The following FAM168A variants were observed in gnomAD, a reference collection of about 807,000 sequenced individuals.
FAM168A encodes protein FAM168A.
Under a neutral mutation model 28.5 loss-of-function variants are expected in FAM168A, and 3 were observed. That is an observed-to-expected ratio of 0.11 (90% CI 0.05 to 0.27). FAM168A has a LOEUF of 0.27. FAM168A is among the 10% of genes least tolerant of loss of function. FAM168A has a pLI of 1.00. For missense variants in FAM168A, 222 were observed against 311.5 expected (o/e 0.71, Z 2.16); for synonymous variants, 122 against 124.2 (o/e 0.98, Z 0.12).
chr11:73,567,407 TC>T (rs1448827658), intron 1 of FAM168A, among the ~76,000 whole-genome samples: 2 of 152,058 alleles, frequency 1.3e-5, no homozygotes, highest in African/African-American at 2.4e-5. Context: ...CATAATCAGT[TC>T]CCCAGTTAGC....
At chr11:73,524,689 C>T (rs937384505) in intron 1 of FAM168A, among the ~76,000 whole-genome samples, 1 of 152,066 alleles carries the variant, frequency 6.6e-6, no homozygotes, top group African/African-American at 2.4e-5. Context: ...CCTCCGCCTC[C>T]CAGACTCAGG....
intron 1 of FAM168A, among the ~76,000 whole-genome samples, chr11:73,484,652 C>CTA (rs1203736105): frequency 7.3e-6 from 1 of 137,196 alleles, no homozygotes; most frequent in East Asian, 2.0e-4. Flanking sequence ...ATCTATCTAT[C>CTA]TATATATAGA....
At chr11:73,442,125 CTTTTT>C (rs59066860) in intron 2 of FAM168A, among the ~76,000 whole-genome samples, 2 of 130,992 alleles carry the variant, frequency 1.5e-5, no homozygotes, top group Non-Finnish European at 3.2e-5. Flanking sequence ...CTTTCTTCTT[CTTTTT>C]TTTTTTTTTT....
At chr11:73,521,857 G>C (rs1019163184) in intron 1 of FAM168A, among the ~76,000 whole-genome samples, 1 of 152,088 alleles carries the variant, frequency 6.6e-6, no homozygotes, top group Non-Finnish European at 1.5e-5. Flanking sequence ...GAATAAAACT[G>C]TCACACATGA....
chr11:73,591,118 C>T (rs961122826), intron 1 of FAM168A, among the ~76,000 whole-genome samples: 4 of 151,370 alleles, frequency 2.6e-5, no homozygotes, highest in East Asian at 3.9e-4. Flanking sequence ...TACTCCAGGC[C>T]GGGAGACAAA....
At chr11:73,498,846 C>G (rs1854945018) in intron 1 of FAM168A, among the ~76,000 whole-genome samples, 1 of 152,156 alleles carries the variant, frequency 6.6e-6, no homozygotes, top group South Asian at 2.1e-4. Flanking sequence ...GCCAGAGGCT[C>G]AGGGATGGAA....
chr11:73,531,306 C>T (rs1207819601), intron 1 of FAM168A, among the ~76,000 whole-genome samples: 2 of 152,188 alleles, frequency 1.3e-5, no homozygotes, highest in African/African-American at 4.8e-5. Context: ...AGAAATATCA[C>T]TAATGGCAAA....
chr11:73,544,895 A>T (rs868188386), intron 1 of FAM168A, among the ~76,000 whole-genome samples: 3 of 92,850 alleles, frequency 3.2e-5, no homozygotes, highest in Non-Finnish European at 5.8e-5. Flanking sequence ...TAAAATATAA[A>T]ATATATTATA....
intron 1 of FAM168A, among the ~76,000 whole-genome samples, chr11:73,474,062 G>A (rs974363446): frequency 2.0e-5 from 3 of 151,912 alleles, no homozygotes; most frequent in African/African-American, 4.8e-5. Flanking sequence ...CACCCACCTC[G>A]ACCTCCCAAA....
chr11:73,484,572 A>ATATC (rs1565265756), intron 1 of FAM168A, among the ~76,000 whole-genome samples: 1 of 98,540 alleles, frequency 1.0e-5, no homozygotes, highest in Non-Finnish European at 2.4e-5. Flanking sequence ...CTATATATCT[A>ATATC]TATATCGATA....
At chr11:73,473,956 C>CCCA (rs1441097546) in intron 1 of FAM168A, among the ~76,000 whole-genome samples, 1 of 151,896 alleles carries the variant, frequency 6.6e-6, no homozygotes, top group Non-Finnish European at 1.5e-5. Context: ...ATTACTGGCA[C>CCCA]CCACCACCAC....
chr11:73,585,940 T>G (rs1459240292), intron 1 of FAM168A, among the ~76,000 whole-genome samples: 1 of 151,258 alleles, frequency 6.6e-6, no homozygotes, highest in Non-Finnish European at 1.5e-5. Context: ...CAGATCCTAG[T>G]GTGCAAAACC....
chr11:73,468,126 T>C (rs1293829090), intron 2 of FAM168A, among the ~76,000 whole-genome samples: 1 of 152,224 alleles, frequency 6.6e-6, no homozygotes, highest in Non-Finnish European at 1.5e-5. Flanking sequence ...TAACACGTAT[T>C]CATGTTTTAT....
At chr11:73,591,131 G>C (rs962955988) in intron 1 of FAM168A, among the ~76,000 whole-genome samples, 1 of 151,868 alleles carries the variant, frequency 6.6e-6, no homozygotes, top group Admixed American at 6.5e-5. Context: ...GAGACAAAGC[G>C]AGACTCTGTC....
At position 73,402,990 on chromosome 11, in the gene FAM168A, A is replaced by C. The variant is rs1866439732; in HGVS notation, c.*3773T>G. ...CAGCAGGTGGCAGCAGAAAGAGCAG[A>C]GGATTTGAAGAATCACTTCCAAGCT... On this transcript the variant is annotated 3_prime_UTR_variant, in exon 8 of 8. Transcript: ENST00000356467. The C allele has an allele frequency of 6.6e-6, 1 of 152,214 alleles. No individual in the cohort carries two copies. Among genetic ancestry groups the C allele is most frequent in the Non-Finnish European group, 1.5e-5 (1 of 68,046 alleles). 9.4% of individuals were successfully genotyped at this position (152,214 alleles called of 1,614,324 possible). A position where few individuals can be genotyped will look rare whatever the true frequency, so the allele number is the denominator to read the frequency against.
intron 1 of FAM168A, among the ~76,000 whole-genome samples, chr11:73,594,355 C>A (rs1220365613): frequency 6.6e-6 from 1 of 152,034 alleles, no homozygotes; most frequent in Non-Finnish European, 1.5e-5. Flanking sequence ...CCAGCTCAGC[C>A]TCCCAAAGTC....
chr11:73,452,710 T>C lies in FAM168A; in HGVS notation c.70+15695A>G, dbSNP rs189796429. ...CTCTCTCTCCATCTACCTATGAAGATTGGAGGTCAGTATCCAAAGCTCAGG... is the reference window on the plus strand; with the variant it reads ...CTCTCTCTCCATCTACCTATGAAGACTGGAGGTCAGTATCCAAAGCTCAGG... On this transcript the variant is annotated intron_variant, in intron 2 of 7. Coordinates refer to ENST00000356467, the MANE Select transcript of FAM168A (RefSeq NM_015159.3). 1.3e-3 allele frequency among the ~76,000 whole-genome samples: 196 copies of C among 152,188 alleles called. 1 individual carries two copies. Among genetic ancestry groups the C allele is most frequent in the South Asian group, 2.9e-3 (14 of 4,824 alleles).
At chr11:73,519,134 T>C (rs56277844) in intron 1 of FAM168A, among the ~76,000 whole-genome samples, 11,969 of 152,226 alleles carry the variant, frequency 0.079, 605 homozygotes, top group Admixed American at 0.11. Flanking sequence ...CCATCCCACA[T>C]GCTCTACCAC....
chr11:73,509,161 G>A lies in FAM168A; in HGVS notation c.-18-40669C>T, dbSNP rs536552947. Among the ~76,000 whole-genome samples the A allele has an allele frequency of 2.0e-5, 3 of 152,322 alleles. No homozygotes were observed. The South Asian group carries it at 6.2e-4, about 32-fold the overall frequency. Reference sequence around the variant, plus strand: ...CCAGTACAGCATCATTGTTATTACAGATATAGTAACTAAGGACCAGAGAGG... The same window carrying A: ...CCAGTACAGCATCATTGTTATTACAAATATAGTAACTAAGGACCAGAGAGG... On this transcript the variant is annotated intron_variant, in intron 1 of 7. Coordinates refer to ENST00000356467, the MANE Select transcript of FAM168A (RefSeq NM_015159.3).
Sources: allele counts gnomAD v4.1 joint callset (sites outside exome capture counted in the v4.1 genomes callset), GRCh38; gene constraint gnomAD v4.1.1; transcripts MANE v1.5; gene names NCBI Gene and HGNC (gene_info 2026-07-23, HGNC 2026-07-21).